VCAN: variants seen among roughly 807,000 people sequenced by gnomAD.
VCAN encodes versican, also known as versican core protein.
A neutral mutation model predicts 245.5 loss-of-function variants in VCAN; 44 were observed. That is an observed-to-expected ratio of 0.18 (90% CI 0.14 to 0.23). VCAN has a LOEUF of 0.23. Ranked by LOEUF, VCAN falls within the 10% of genes least tolerant of loss-of-function variation. The pLI, the probability that VCAN is intolerant of heterozygous loss-of-function variation, is 1.00. For synonymous variants in VCAN, 1,413 were observed against 1,437.0 expected (o/e 0.98, Z 0.38); for missense variants, 3,793 against 4,057.9 (o/e 0.93, Z 1.77).
chr5:83,559,506 C>T (rs377498147), intron 12 of VCAN, among the ~76,000 whole-genome samples: 22 of 152,122 alleles, frequency 1.4e-4, no homozygotes, highest in Admixed American at 2.6e-4. Context: ...CACTCCTGGG[C>T]GGCTTTGCCT....
intron 1 of VCAN, among the ~76,000 whole-genome samples, chr5:83,475,484 A>G (rs1744355737): frequency 6.6e-6 from 1 of 152,190 alleles, no homozygotes; most frequent in South Asian, 2.1e-4. Flanking sequence ...ATATTCACAT[A>G]AAGTCCTAAA....
chr5:83,550,886 T>A (rs1270235134), intron 10 of VCAN, among the ~76,000 whole-genome samples: 15 of 9,792 alleles, frequency 1.5e-3, no homozygotes, highest in African/African-American at 2.0e-3. Flanking sequence ...AGACTCCATC[T>A]CAAAAAAAAA....
At chr5:83,577,075 AT>A (rs1219775851) in intron 13 of VCAN, among the ~76,000 whole-genome samples, 3 of 151,678 alleles carry the variant, frequency 2.0e-5, no homozygotes, top group African/African-American at 4.8e-5. Context: ...AATTTTATTT[AT>A]TTTTTTTCCT....
At chr5:83,486,763 G>A (rs972212097) in intron 2 of VCAN, among the ~76,000 whole-genome samples, 5 of 152,128 alleles carry the variant, frequency 3.3e-5, no homozygotes, top group African/African-American at 4.8e-5. Context: ...CCTATTCTTT[G>A]TAAATCCATG....
chr5:83,553,486 A>G lies in VCAN; in HGVS notation c.9616A>G (p.Ser3206Gly). Residue 3206 changes from serine (S) to glycine (G), a missense_variant, in exon 11 of 15, where the codon AGC becomes GGC. Ser to Gly is a moderately conservative substitution (Grantham distance 56, BLOSUM62 0). Transcript: ENST00000265077. ...ECRLQGAHLT[S>G]ILSHEEQMFV... The stretch of plus-strand genomic sequence containing the variant: ...CCGTCTGCAGGGTGCCCATCTCACA[A>G]GCATCCTGTCTCACGAAGAACAAAT... The G allele has an allele frequency of 6.2e-7, 1 of 1,614,154 alleles. No individual in the cohort carries two copies. The highest frequency in any genetic ancestry group is 8.5e-7 in the Non-Finnish European group (1 of 1,179,984).
intron 5 of VCAN, among the ~76,000 whole-genome samples, chr5:83,498,778 G>T (rs776183988): frequency 3.9e-5 from 6 of 151,982 alleles, no homozygotes; most frequent in Non-Finnish European, 8.8e-5. Flanking sequence ...TTTGGTTTTG[G>T]TTGTCACAAA....
rs1424868389 is a variant in VCAN at position 83,539,338 on chromosome 5, G to A, written c.6335G>A (p.Ser2112Asn). The A allele has an allele frequency of 1.2e-6, 2 of 1,613,944 alleles. No homozygotes were observed. Among genetic ancestry groups the A allele is most frequent in the Non-Finnish European group, 8.5e-7 (1 of 1,180,004 alleles). Residue 2112 changes from serine (S) to asparagine (N), a missense_variant, in exon 8 of 15, where the codon AGT becomes AAT. Coordinates refer to ENST00000265077, the MANE Select transcript of VCAN (RefSeq NM_004385.5). The stretch of plus-strand genomic sequence containing the variant: ...AACCCTGTAAGACAAGAAATTGAAA[G>A]TGAAACAACATCAGAGGAACAAATT... ...EVNPVRQEIE[S>N]ETTSEEQIQE...
Position 83,512,384 on chromosome 5 carries a change from T to C in VCAN, c.1030T>C (p.Tyr344His). ...FPPPDSRFDA[Y>H]CFKPKEATTI... ...TCCCCCTGATAGCAGATTTGATGCC[T>C]ACTGCTTTAAACGTAAGTGTTTGAT... Residue 344 changes from tyrosine (Y) to histidine (H), a missense_variant, in exon 6 of 15, where the codon TAC becomes CAC. Tyr to His is a moderately conservative substitution (Grantham distance 83). Coordinates refer to ENST00000265077, the MANE Select transcript of VCAN (RefSeq NM_004385.5). 6.2e-7 allele frequency: 1 copy of C among 1,612,548 alleles called. No homozygotes were observed. The highest frequency in any genetic ancestry group is 8.5e-7 in the Non-Finnish European group (1 of 1,178,802).
intron 12 of VCAN, among the ~76,000 whole-genome samples, chr5:83,558,204 C>T (rs149126064): frequency 1.3e-5 from 2 of 152,274 alleles, no homozygotes; most frequent in Admixed American, 1.3e-4. Context: ...ATCCCCTTAA[C>T]GGGTTCCATA....
chr5:83,486,723 A>G (rs770710302), intron 2 of VCAN, among the ~76,000 whole-genome samples: 1 of 152,240 alleles, frequency 6.6e-6, no homozygotes, highest in African/African-American at 2.4e-5. Context: ...TTGATAGCCA[A>G]CAACATTGAG....
chr5:83,542,405 G>A (rs776848991), intron 8 of VCAN, 137 bp downstream of exon 8: 15 of 946,550 alleles, frequency 1.6e-5, no homozygotes, highest in African/African-American at 3.3e-5. Flanking sequence ...AGCAGGCCAG[G>A]CCACAGTATT....
chr5:83,493,644 C>G lies in VCAN; in HGVS notation c.544C>G (p.Pro182Ala). ...CLDVGAVIAT[P>A]EQLFAAYEDG... ...GGACGTTGGGGCAGTCATAGCAACTCCAGAGCAGCTCTTTGCTGCCTATGA... is the reference window on the plus strand; with the variant it reads ...GGACGTTGGGGCAGTCATAGCAACTGCAGAGCAGCTCTTTGCTGCCTATGA... The change falls in exon 4 of 15, where the codon CCA (proline) becomes GCA (alanine). Residue 182 changes from proline to alanine, a missense_variant. Around this residue, in one of 5 missense-constraint regions of VCAN, gnomAD observed 190 missense variants for 288.6 expected, o/e 0.66. Coordinates refer to ENST00000265077, the MANE Select transcript of VCAN (RefSeq NM_004385.5). 1.2e-6 allele frequency: 2 copies of G among 1,614,106 alleles called. No homozygotes were observed. Among genetic ancestry groups the G allele is most frequent in the Non-Finnish European group, 1.7e-6 (2 of 1,180,022 alleles).
rs759408652 is a variant in VCAN, at chr5:83,540,749, T to C, written c.7746T>C (p.His2582=). ...SDKNTIIDID[H]TKPVYEDILG... is the part of the protein sequence containing the mutation. ...AAAATACTATCATAGATATTGATCA[T>C]ACTAAACCTGTGTATGAAGACATTC... is the stretch of plus-strand genomic sequence containing the variant. Residue 2582 remains histidine (H), a synonymous_variant, in exon 8 of 15, where the codon CAT becomes CAC. Transcript: ENST00000265077. The C allele has an allele frequency of 1.2e-6, 2 of 1,614,002 alleles. No homozygotes were observed. The highest frequency in any genetic ancestry group is 1.7e-6 in the Non-Finnish European group (2 of 1,179,962).
intron 6 of VCAN, among the ~76,000 whole-genome samples, chr5:83,517,807 A>G (rs2112402685): frequency 6.6e-6 from 1 of 152,366 alleles, no homozygotes; most frequent in Non-Finnish European, 1.5e-5. Flanking sequence ...ATTTAAATGT[A>G]TCATAATGTA....
At chr5:83,577,422 T>C (rs1279231419) in intron 13 of VCAN, among the ~76,000 whole-genome samples, 1 of 152,182 alleles carries the variant, frequency 6.6e-6, no homozygotes, top group Non-Finnish European at 1.5e-5. Context: ...TATTGTACCC[T>C]CCAATGAAAA....
At chr5:83,518,788 A>G (rs189358203) in intron 6 of VCAN, among the ~76,000 whole-genome samples, 2 of 152,326 alleles carry the variant, frequency 1.3e-5, no homozygotes, top group African/African-American at 2.4e-5. Flanking sequence ...TGGACAATGT[A>G]ATGGTTTATA....
chr5:83,545,558 A>G lies in VCAN; in HGVS notation c.9287A>G (p.Asn3096Ser). Residue 3096 changes from asparagine (N) to serine (S), a missense_variant, in exon 9 of 15, where the codon AAC (asparagine) becomes AGC (serine). By Grantham distance (46) the Asn-to-Ser change is conservative. This residue lies in a region of VCAN where 3,182 missense variants were observed against 3,250.3 expected (regional missense o/e 0.98). Coordinates refer to ENST00000265077, the MANE Select transcript of VCAN (RefSeq NM_004385.5). ...GTAGGACCTGATCGCTGCAAAATGA[A>G]CCCGTGCCTTAACGGAGGCACCTGT... ...YLPGPDRCKM[N>S]PCLNGGTCYP... The G allele has an allele frequency of 6.2e-7, 1 of 1,614,112 alleles. No homozygotes were observed. The highest frequency in any genetic ancestry group is 1.1e-5 in the South Asian group (1 of 91,088).
intron 6 of VCAN, among the ~76,000 whole-genome samples, chr5:83,517,737 C>CT (rs1473398167): frequency 2.0e-5 from 3 of 152,052 alleles, no homozygotes; most frequent in African/African-American, 7.2e-5. Flanking sequence ...AACTCCAACT[C>CT]TTTTTTGGTT....
intron 2 of VCAN, among the ~76,000 whole-genome samples, chr5:83,484,543 C>T (rs144623177): frequency 2.2e-3 from 334 of 151,140 alleles, no homozygotes; most frequent in Non-Finnish European, 3.4e-3. Context: ...ATCCATCCAT[C>T]CATCCATCCA....
Sources: allele counts gnomAD v4.1 joint callset (sites outside exome capture counted in the v4.1 genomes callset), GRCh38; gene constraint gnomAD v4.1.1; regional missense constraint gnomAD v4.1.1; transcripts MANE v1.5; gene names NCBI Gene and HGNC (gene_info 2026-07-23, HGNC 2026-07-21).